The following GLI2 variants were observed in gnomAD, a reference collection of about 807,000 sequenced individuals.
The protein encoded by GLI2 is transcription activator GLI2.
Under a neutral mutation model 78.9 loss-of-function variants are expected in GLI2, and 22 were observed. That is an observed-to-expected ratio of 0.28 (90% CI 0.20 to 0.40). The LOEUF (loss-of-function observed/expected upper bound fraction) is 0.40, where lower values mean the gene tolerates loss of function less well. GLI2 is among the 10% of genes least tolerant of loss of function. GLI2 has a pLI of 1.00. For synonymous variants in GLI2, 974 were observed against 963.7 expected, an observed-to-expected ratio of 1.01 and a Z score of -0.20; for missense variants, 2,097 against 2,213.2, an observed-to-expected ratio of 0.95 and a Z score of 1.05.
chr2:120,824,844 G>T (rs1685963522), intron 2 of GLI2, among the ~76,000 whole-genome samples: 1 of 152,126 alleles, frequency 6.6e-6, no homozygotes, highest in African/African-American at 2.4e-5. Flanking sequence ...TGTTGTTGTT[G>T]TTTTGTCTTG....
chr2:120,966,671 G>A (rs1681872262), intron 5 of GLI2, among the ~76,000 whole-genome samples: 1 of 152,192 alleles, frequency 6.6e-6, no homozygotes, highest in Admixed American at 6.5e-5. Flanking sequence ...CCAAGCTTGG[G>A]GCTGGGCCGG....
At chr2:120,864,687 T>A (rs1381542948) in intron 2 of GLI2, among the ~76,000 whole-genome samples, 1 of 152,172 alleles carries the variant, frequency 6.6e-6, no homozygotes, top group Non-Finnish European at 1.5e-5. Context: ...GACCTCGTAA[T>A]CCACCCACGT....
At chr2:120,820,945 G>A (rs1685741585) in intron 2 of GLI2, among the ~76,000 whole-genome samples, 1 of 152,088 alleles carries the variant, frequency 6.6e-6, no homozygotes, top group African/African-American at 2.4e-5. Flanking sequence ...ACCAGGAGGC[G>A]TTTCGAAGGG....
intron 1 of GLI2, among the ~76,000 whole-genome samples, chr2:120,795,548 A>C (rs57731655): frequency 0.24 from 34,926 of 148,190 alleles, 7,884 homozygotes; most frequent in African/African-American, 0.6. Context: ...AAAAAAAAAA[A>C]CAACATAAAA....
At chr2:120,889,933 T>C (rs1045163417) in intron 2 of GLI2, among the ~76,000 whole-genome samples, 3 of 152,210 alleles carry the variant, frequency 2.0e-5, no homozygotes, top group African/African-American at 7.2e-5. Flanking sequence ...ACATACTGCA[T>C]AGGACCCAAC....
At chr2:120,899,350 C>G (rs1289505641) in intron 2 of GLI2, among the ~76,000 whole-genome samples, 1 of 152,098 alleles carries the variant, frequency 6.6e-6, no homozygotes, top group Non-Finnish European at 1.5e-5. Flanking sequence ...CCAGGACTTC[C>G]TTTTTTGGAA....
chr2:120,762,414 G>T (rs1011599701), intron 1 of GLI2, among the ~76,000 whole-genome samples: 6 of 152,176 alleles, frequency 3.9e-5, no homozygotes, highest in Admixed American at 2.6e-4. Flanking sequence ...AAGCCTGCCC[G>T]CTGGAATTTG....
Position 120,737,037 on chromosome 2 carries a change from C to A in GLI2, c.-31+752C>A, listed in dbSNP as rs546719163. On this transcript the variant is annotated intron_variant, in intron 1 of 13. Transcript: ENST00000361492. This position sits in a 1 kb window ranked among gnomAD's most constrained non-coding sequence, Gnocchi z 4.3. ...CCTACTCATCGTCTCTCCCCACCCCCGACAATCTCTCAACAAGTATATTTG... is the reference window on the plus strand; with the variant it reads ...CCTACTCATCGTCTCTCCCCACCCCAGACAATCTCTCAACAAGTATATTTG... Among the ~76,000 whole-genome samples the A allele has an allele frequency of 1.3e-5, 2 of 152,230 alleles. No individual in the cohort carries two copies. The highest frequency in any genetic ancestry group is 3.9e-4 in the East Asian group (2 of 5,162).
chr2:120,911,646 AC>A (rs2104814707), intron 2 of GLI2, among the ~76,000 whole-genome samples: 1 of 151,672 alleles, frequency 6.6e-6, no homozygotes, highest in South Asian at 2.1e-4. Flanking sequence ...CATACTCCTC[AC>A]CTCCTCCATG....
At position 120,972,019 on chromosome 2, in the gene GLI2, G is replaced by A. The variant is rs374155310; in HGVS notation, c.1138G>A (p.Glu380Lys). Reference sequence around the variant, plus strand: ...TCACAAGCGCAGCAAGGTCAAGACCGAGCCTGAGGGCCTGCGGCCGGCCTC... The same window carrying A: ...TCACAAGCGCAGCAAGGTCAAGACCAAGCCTGAGGGCCTGCGGCCGGCCTC... ...AIHKRSKVKTEPEGLRPASPL... is the reference protein window; with the variant it reads ...AIHKRSKVKTKPEGLRPASPL... The change falls in exon 8 of 14, where the codon GAG becomes AAG. Residue 380 changes from glutamate (E) to lysine (K), a missense_variant. Physicochemically the swap from Glu to Lys is moderately conservative, Grantham distance 56. Coordinates refer to ENST00000361492, the MANE Select transcript of GLI2 (RefSeq NM_001374353.1). 1.9e-5 allele frequency: 31 copies of A among 1,613,532 alleles called. No individual in the cohort carries two copies. The highest frequency in any genetic ancestry group is 6.7e-5 in the East Asian group (3 of 44,884).
intron 1 of GLI2, among the ~76,000 whole-genome samples, chr2:120,774,576 C>G (rs1333085197): frequency 2.0e-5 from 3 of 152,118 alleles, no homozygotes; most frequent in Non-Finnish European, 4.4e-5. Context: ...AATTGGTAAC[C>G]CGTGGCCTGG....
At chr2:120,823,113 G>A (rs1037516655) in intron 2 of GLI2, among the ~76,000 whole-genome samples, 3 of 152,098 alleles carry the variant, frequency 2.0e-5, no homozygotes, top group South Asian at 2.1e-4. Flanking sequence ...TTTCCCAGGC[G>A]AGGCTGTGTT....
chr2:120,970,750 G>A (rs546883347), intron 7 of GLI2, 144 bp downstream of exon 7: 10 of 697,930 alleles, frequency 1.4e-5, no homozygotes, highest in Admixed American at 4.2e-5. Context: ...CAGAGGCCAC[G>A]TTACAGAAAG....
chr2:120,941,433 A>G (rs1228603905), intron 3 of GLI2, among the ~76,000 whole-genome samples: 1 of 152,190 alleles, frequency 6.6e-6, no homozygotes, highest in Non-Finnish European at 1.5e-5. Context: ...ATTGAATTCC[A>G]TCCAGAGGAG....
At chr2:120,972,146 A>T (rs1682214046) in intron 8 of GLI2, 83 bp downstream of exon 8, 1 of 1,502,932 alleles carries the variant, frequency 6.7e-7, no homozygotes, top group African/African-American at 1.4e-5. Flanking sequence ...TTGGTGGTGA[A>T]CGGATGGCTG....
chr2:120,754,447 C>G (rs1018058319), intron 1 of GLI2, among the ~76,000 whole-genome samples: 2 of 152,090 alleles, frequency 1.3e-5, no homozygotes, highest in Admixed American at 6.5e-5. Flanking sequence ...CCCACCCCAC[C>G]CCCTGGCCTT....
chr2:120,925,045 A>G (rs1467837516), intron 2 of GLI2, among the ~76,000 whole-genome samples: 1 of 152,248 alleles, frequency 6.6e-6, no homozygotes, highest in Non-Finnish European at 1.5e-5. Flanking sequence ...TCTGACCCTC[A>G]GGGTTCCCAG....
Position 120,951,269 on chromosome 2 carries a change from T to A in GLI2, c.281T>A (p.Val94Asp). 1 of 1,612,282 alleles carries A rather than the reference T, an allele frequency of 6.2e-7. No homozygotes were observed. The highest frequency in any genetic ancestry group is 8.5e-7 in the Non-Finnish European group (1 of 1,178,562). ...HGPPALSGSP[V>D]ISDISLIRLS... ...CCCCCTGCCCTCAGCGGCAGCCCTG[T>A]CATCTCTGACATCTCCTTGATCCGG... The change falls in exon 4 of 14, where the codon GTC becomes GAC. Residue 94 changes from valine (V) to aspartate (D), a missense_variant. Val to Asp is a radical substitution (Grantham distance 152, BLOSUM62 -3). This residue lies in a region of GLI2 where 578 missense variants were observed against 612.0 expected (regional missense o/e 0.94). Coordinates refer to ENST00000361492, the MANE Select transcript of GLI2 (RefSeq NM_001374353.1).
chr2:120,835,987 A>G (rs1686593497), intron 2 of GLI2, among the ~76,000 whole-genome samples: 1 of 152,136 alleles, frequency 6.6e-6, no homozygotes, highest in Non-Finnish European at 1.5e-5. Flanking sequence ...TGCATTGTTT[A>G]TAGAGAATTC....
Sources: gnomAD v4.1 joint callset for allele counts (sites outside exome capture counted in the v4.1 genomes callset) on GRCh38, gnomAD v4.1.1 for gene constraint, gnomAD v4.1.1 regional missense constraint, Gnocchi (gnomAD v3.1) non-coding constraint, MANE v1.5 for transcripts, NCBI Gene and HGNC (gene_info 2026-07-23, HGNC 2026-07-21) for gene names.